GATC: variants seen among roughly 807,000 people sequenced by gnomAD.
The protein encoded by GATC is glutamyl-tRNA amidotransferase subunit C, also known as glutamyl-tRNA(Gln) amidotransferase subunit C, mitochondrial.
Under a neutral mutation model 14.4 loss-of-function variants are expected in GATC, and 11 were observed. The observed-to-expected ratio is 0.77, with a 90% confidence interval of 0.48 to 1.27. GATC has a LOEUF of 1.27. Ranked by LOEUF, GATC falls within the 50% of genes most tolerant of loss-of-function variation. The probability of loss-of-function intolerance (pLI) is 0.00; values close to 1 mark genes in which losing one functional copy is unlikely to be tolerated. For missense variants in GATC, 204 were observed against 183.0 expected (o/e 1.11, Z -0.66); for synonymous variants, 76 against 79.3 (o/e 0.96, Z 0.22).
chr12:120,446,596 C>A, intron 1 of GATC, 35 bp downstream of exon 1: 1 of 1,589,774 alleles, frequency 6.3e-7, no homozygotes, highest in South Asian at 1.1e-5. Context: ...GGTGGCGGAG[C>A]AAGCCGGGAG....
intron 3 of GATC, among the ~76,000 whole-genome samples, chr12:120,459,288 A>G (rs1008404089): frequency 5.3e-5 from 8 of 152,210 alleles, no homozygotes; most frequent in Admixed American, 5.2e-4. Context: ...CAGACATGCT[A>G]TCTCCCACAC....
chr12:120,455,016 T>C (rs1366879647), intron 2 of GATC: 2 of 451,054 alleles, frequency 4.4e-6, no homozygotes, highest in Middle Eastern at 7.0e-4. Context: ...GCCTCCCAGG[T>C]AGCTGGGATT....
At chr12:120,457,950 T>C (rs2137044979) in intron 3 of GATC, among the ~76,000 whole-genome samples, 1 of 149,022 alleles carries the variant, frequency 6.7e-6, no homozygotes, top group Non-Finnish European at 1.5e-5. Flanking sequence ...TATGACATGA[T>C]TCAAACGCCA....
At chr12:120,457,395 G>A (rs542359174) in intron 3 of GATC, among the ~76,000 whole-genome samples, 36 of 152,132 alleles carry the variant, frequency 2.4e-4, no homozygotes, top group African/African-American at 8.0e-4. Context: ...GGGGGCATGC[G>A]GGAGGTTTAA....
intron 2 of GATC, among the ~76,000 whole-genome samples, 183 bp from the exon 3 acceptor site, chr12:120,456,893 G>A (rs994312827): frequency 9.9e-5 from 15 of 152,092 alleles, no homozygotes; most frequent in South Asian, 2.1e-4. Flanking sequence ...AGGGTTGTTC[G>A]GTCAATCTAT....
rs1021653713 is a variant in GATC, at chr12:120,460,220, T to A, written c.*261T>A. The A allele has an allele frequency of 3.4e-5, 11 of 327,638 alleles. No homozygotes were observed. Among genetic ancestry groups the A allele is most frequent in the Non-Finnish European group, 5.8e-5 (10 of 173,858 alleles). The allele number at this position is 327,638 out of a possible 1,614,324, so 20.3% of individuals were successfully genotyped here. A position where few individuals can be genotyped will look rare whatever the true frequency, so the allele number is the denominator to read the frequency against. On this transcript the variant is annotated 3_prime_UTR_variant, in exon 4 of 4. Transcript: ENST00000551765. ...GAATTCACTTAACAGGCCTGTTCAG[T>A]ATGGAAGACATTATTTATCTGCCTT... is the stretch of plus-strand genomic sequence containing the variant.
chr12:120,449,076 C>T (rs1269989439), intron 2 of GATC, among the ~76,000 whole-genome samples: 1 of 151,526 alleles, frequency 6.6e-6, no homozygotes, highest in East Asian at 2.0e-4. Flanking sequence ...CATTCTCCTG[C>T]CTCAGCCTCC....
intron 2 of GATC, among the ~76,000 whole-genome samples, chr12:120,454,262 G>A (rs1443645666): frequency 2.0e-5 from 3 of 152,142 alleles, no homozygotes; most frequent in African/African-American, 2.4e-5. Flanking sequence ...TCTTACTGCC[G>A]TGAATGCTGG....
intron 2 of GATC, among the ~76,000 whole-genome samples, chr12:120,448,415 A>G (rs1592982288): frequency 6.9e-6 from 1 of 145,202 alleles, no homozygotes; most frequent in Non-Finnish European, 1.5e-5. Context: ...TGCAACCTCC[A>G]CCCTCCAGGT....
At chr12:120,447,429 G>A (rs1178279267) in intron 2 of GATC, among the ~76,000 whole-genome samples, 2 of 151,924 alleles carry the variant, frequency 1.3e-5, no homozygotes, top group Non-Finnish European at 1.5e-5. Context: ...TCACTCCAAC[G>A]TACTCTTCTC....
chr12:120,446,687 G>T lies in GATC; in HGVS notation c.112G>T (p.Glu38Ter), dbSNP rs776834305. The change falls in exon 2 of 4, where the codon GAG (glutamate) becomes TAG (stop). Residue 38 changes from glutamate to a stop codon, truncating the protein, a stop_gained. Transcript: ENST00000551765. LOFTEE classifies it high-confidence loss of function. ...GSGRITAAVI[E>*]HLERLALVDF... ...TGGCCGGATCACGGCTGCGGTGATC[G>T]AGCACCTGGAGCGTCTAGCGCTTGT... The T allele has an allele frequency of 6.8e-6, 11 of 1,613,358 alleles. No homozygotes were observed. The South Asian group carries it at 1.2e-4, about 18-fold the overall frequency.
Position 120,457,066 on chromosome 12 carries a change from G to A in GATC, c.255-10G>A. 6.3e-7 allele frequency: 1 copy of A among 1,598,506 alleles called. No homozygotes were observed. Among genetic ancestry groups the A allele is most frequent in the Non-Finnish European group, 8.6e-7 (1 of 1,165,914 alleles). The stretch of plus-strand genomic sequence containing the variant: ...CTGAGAGGGTAACCTTGAGCTTCTG[G>A]GTTTTGTAGATGTCTATACCTGAGA... On this transcript the variant is annotated splice_polypyrimidine_tract_variant and intron_variant, in intron 2 of 3. Transcript: ENST00000551765.
intron 2 of GATC, among the ~76,000 whole-genome samples, chr12:120,448,329 A>C (rs1392828005): frequency 4.1e-5 from 3 of 73,802 alleles, no homozygotes. Context: ...TTCCTCAAGA[A>C]AGTTTTTTTT....
chr12:120,455,699 T>A (rs148609967), intron 2 of GATC, among the ~76,000 whole-genome samples: 2 of 151,982 alleles, frequency 1.3e-5, no homozygotes, highest in East Asian at 3.9e-4. Context: ...GTTCTCTTTT[T>A]TTTTGAGGCA....
chr12:120,452,844 G>A (rs1045471516), intron 2 of GATC, among the ~76,000 whole-genome samples: 1 of 151,734 alleles, frequency 6.6e-6, no homozygotes, highest in East Asian at 1.9e-4. Flanking sequence ...ATAGGCACAC[G>A]CCACCACCCC....
chr12:120,455,004 C>T (rs1272838337), intron 2 of GATC: 1 of 451,642 alleles, frequency 2.2e-6, no homozygotes, highest in Non-Finnish European at 4.4e-6. Context: ...TCTTGTGCCT[C>T]AGCCTCCCAG....
At position 120,462,713 on chromosome 12, in the gene GATC, G is replaced by C. The variant is rs1878385342; in HGVS notation, c.*2754G>C. 1 of 152,300 alleles carries C rather than the reference G, an allele frequency of 6.6e-6. No homozygotes were observed. The highest frequency in any genetic ancestry group is 1.5e-5 in the Non-Finnish European group (1 of 68,100). 9.4% of individuals were successfully genotyped at this position (152,300 alleles called of 1,614,324 possible). On this transcript the variant is annotated 3_prime_UTR_variant, in exon 4 of 4. Coordinates refer to ENST00000551765, the MANE Select transcript of GATC (RefSeq NM_176818.3). ...GCCCATGAAGGAATCGAGGTCCCAA[G>C]AGTAGTTCAGGTAAGGAATTAATAA...
chr12:120,462,285 C>A lies in GATC; in HGVS notation c.*2326C>A, dbSNP rs1183310707. Reference sequence around the variant, plus strand: ...CACTTACTGTGTACTCTGTGCCTGGCATGAGGCTATCTCATTAAACCTTCA... The same window carrying A: ...CACTTACTGTGTACTCTGTGCCTGGAATGAGGCTATCTCATTAAACCTTCA... On this transcript the variant is annotated 3_prime_UTR_variant, in exon 4 of 4. Transcript: ENST00000551765. The A allele has an allele frequency of 1.9e-6, 2 of 1,026,120 alleles. No individual in the cohort carries two copies. The highest frequency in any genetic ancestry group is 1.6e-5 in the African/African-American group (1 of 61,162). The allele number at this position is 1,026,120 out of a possible 1,614,324, so 63.6% of individuals were successfully genotyped here.
intron 2 of GATC, among the ~76,000 whole-genome samples, chr12:120,449,798 C>T (rs1321765815): frequency 2.6e-5 from 4 of 151,040 alleles, no homozygotes; most frequent in South Asian, 2.1e-4. Flanking sequence ...GTTTTGCTCA[C>T]GTTGCCCAGG....
Sources: allele counts gnomAD v4.1 joint callset (sites outside exome capture counted in the v4.1 genomes callset), GRCh38; gene constraint gnomAD v4.1.1; transcripts MANE v1.5; gene names NCBI Gene and HGNC (gene_info 2026-07-23, HGNC 2026-07-21).